The following TMEFF2 variants were observed in gnomAD, a reference collection of about 807,000 sequenced individuals.
TMEFF2 encodes tomoregulin-2.
In TMEFF2, 28 loss-of-function variants were observed where a neutral mutation model predicts 53.8. The observed-to-expected ratio is 0.52, with a 90% CI of 0.39 to 0.71. The LOEUF (loss-of-function observed/expected upper bound fraction) is 0.71. TMEFF2 is among the 30% of genes least tolerant of loss of function. TMEFF2 has a pLI of 0.00. For synonymous variants in TMEFF2, 162 were observed against 166.3 expected (o/e 0.97, Z 0.20); for missense variants, 353 against 455.2 (o/e 0.78, Z 2.04).
intron 2 of TMEFF2, among the ~76,000 whole-genome samples, chr2:192,185,452 A>G (rs1405432649): frequency 6.6e-6 from 1 of 152,100 alleles, no homozygotes; most frequent in Non-Finnish European, 1.5e-5. Flanking sequence ...AAACTAAGTA[A>G]GGAAAATCAT....
chr2:192,035,873 A>G (rs1272952346), intron 5 of TMEFF2, among the ~76,000 whole-genome samples: 1 of 151,938 alleles, frequency 6.6e-6, no homozygotes, highest in East Asian at 1.9e-4. Context: ...CTGATCCCCT[A>G]TTTCCAAAGT....
At chr2:192,158,323 T>C (rs911115952) in intron 4 of TMEFF2, among the ~76,000 whole-genome samples, 2 of 151,966 alleles carry the variant, frequency 1.3e-5, no homozygotes, top group African/African-American at 4.8e-5. Flanking sequence ...TGAGATTATA[T>C]CTCTGATATA....
At chr2:192,102,849 G>A (rs1689064606) in intron 4 of TMEFF2, among the ~76,000 whole-genome samples, 1 of 151,834 alleles carries the variant, frequency 6.6e-6, no homozygotes, top group Admixed American at 6.6e-5. Flanking sequence ...GGAATTACAG[G>A]CGTGAGCCAC....
At chr2:191,983,391 CTTTTTTT>C (rs11396477) in intron 7 of TMEFF2, among the ~76,000 whole-genome samples, 1 of 144,394 alleles carries the variant, frequency 6.9e-6, no homozygotes, top group Non-Finnish European at 1.5e-5. Flanking sequence ...GCATCTTAGC[CTTTTTTT>C]TTTTTTCTCC....
intron 4 of TMEFF2, among the ~76,000 whole-genome samples, chr2:192,133,167 C>T (rs1377945047): frequency 1.3e-5 from 2 of 152,066 alleles, no homozygotes; most frequent in African/African-American, 2.4e-5. Context: ...TGCCCAGTTC[C>T]CTTATTAGGC....
intron 5 of TMEFF2, among the ~76,000 whole-genome samples, chr2:192,037,357 A>AT (rs1338380725): frequency 6.9e-6 from 1 of 145,688 alleles, no homozygotes; most frequent in African/African-American, 2.6e-5. Context: ...AGAAAAAAAA[A>AT]CCTCTCACTT....
At chr2:192,107,924 C>T (rs181644269) in intron 4 of TMEFF2, among the ~76,000 whole-genome samples, 3 of 150,922 alleles carry the variant, frequency 2.0e-5, no homozygotes, top group Admixed American at 6.6e-5. Flanking sequence ...AATTCTAATT[C>T]TATACAAAGA....
chr2:192,092,526 G>A (rs1688813432), intron 4 of TMEFF2, among the ~76,000 whole-genome samples: 1 of 152,118 alleles, frequency 6.6e-6, no homozygotes, highest in Non-Finnish European at 1.5e-5. Context: ...GGCTGGGAAG[G>A]AAGTTTGTAT....
At chr2:192,181,523 A>G (rs189414057) in intron 3 of TMEFF2, among the ~76,000 whole-genome samples, 1 of 151,892 alleles carries the variant, frequency 6.6e-6, no homozygotes, top group Admixed American at 6.6e-5. Context: ...ATGTTATTCA[A>G]CCTTGCTAAG....
intron 7 of TMEFF2, among the ~76,000 whole-genome samples, chr2:191,970,627 A>T (rs1477002141): frequency 6.6e-6 from 1 of 152,150 alleles, no homozygotes; most frequent in Admixed American, 6.5e-5. Context: ...GCCTCTAGAA[A>T]TGTGAGATAA....
chr2:192,053,919 C>T (rs898362103), intron 5 of TMEFF2, among the ~76,000 whole-genome samples: 1 of 152,084 alleles, frequency 6.6e-6, no homozygotes, highest in Admixed American at 6.5e-5. Context: ...TACAAAGGTA[C>T]GTTAACATAC....
rs150944192 is a variant in TMEFF2, at chr2:192,194,458, G to A, written c.67C>T (p.Leu23=). 2.3e-4 allele frequency: 370 copies of A among 1,614,176 alleles called. 1 individual carries two copies. In the African/African-American group the frequency reaches 4.6e-3, roughly 20 times the overall value. ...WTLCEGFCWL[L]LLPVMLLIVA... ...ATGAGTAGCATGACGGGCAGCAGCA[G>A]CAGCCAGCAAAAGCCCTCGCAAAGT... Residue 23 remains leucine (L), a synonymous_variant, in exon 1 of 10, where the codon CTG becomes TTG. Transcript: ENST00000272771. The surrounding 1 kb of genome is among the most constrained non-coding windows in gnomAD (Gnocchi z 4.2).
At chr2:192,152,270 A>C (rs1690405668) in intron 4 of TMEFF2, among the ~76,000 whole-genome samples, 1 of 151,932 alleles carries the variant, frequency 6.6e-6, no homozygotes, top group Admixed American at 6.6e-5. Flanking sequence ...GTTTGAATCC[A>C]GATAGGAAAA....
In TMEFF2 at chr2:191,949,593, T is replaced by C; in HGVS notation, c.*718A>G. 1 of 985,412 alleles carries C rather than the reference T, an allele frequency of 1.0e-6. No homozygotes were observed. The highest frequency in any genetic ancestry group is 1.2e-6 in the Non-Finnish European group (1 of 829,920). 61.0% of individuals were successfully genotyped at this position (985,412 alleles called of 1,614,324 possible). The stretch of plus-strand genomic sequence containing the variant: ...GTAACTTGTTCAGTAAGTTCAGATA[T>C]ATGCACTTAACTGGGGGATTCTAAG... On this transcript the variant is annotated 3_prime_UTR_variant, in exon 10 of 10. Coordinates refer to ENST00000272771, the MANE Select transcript of TMEFF2 (RefSeq NM_016192.4).
At chr2:192,119,644 C>T (rs1047080948) in intron 4 of TMEFF2, among the ~76,000 whole-genome samples, 5 of 152,128 alleles carry the variant, frequency 3.3e-5, no homozygotes, top group Admixed American at 6.6e-5. Context: ...GGGGTTTCAC[C>T]TCAGACAATA....
chr2:191,952,570 A>G (rs1691918108), intron 9 of TMEFF2, among the ~76,000 whole-genome samples: 2 of 152,100 alleles, frequency 1.3e-5, no homozygotes, highest in South Asian at 4.1e-4. Flanking sequence ...TAAACGTGAG[A>G]GTCGAGTTGA....
At chr2:192,154,865 C>T (rs1366429690) in intron 4 of TMEFF2, among the ~76,000 whole-genome samples, 1 of 151,844 alleles carries the variant, frequency 6.6e-6, no homozygotes, top group Non-Finnish European at 1.5e-5. Flanking sequence ...TTGGAAAGTA[C>T]ATTCCCCCAC....
chr2:192,165,396 C>G (rs907872513), intron 4 of TMEFF2, among the ~76,000 whole-genome samples: 9 of 152,066 alleles, frequency 5.9e-5, no homozygotes, highest in African/African-American at 2.2e-4. Context: ...ACAGCAAGTA[C>G]TTAACATATG....
chr2:191,964,320 C>T (rs1386551162), intron 7 of TMEFF2, among the ~76,000 whole-genome samples: 29 of 120,542 alleles, frequency 2.4e-4, no homozygotes, highest in African/African-American at 8.4e-4. Context: ...TCTTTCCTTC[C>T]TTCCTTTCTT....
Sources: allele counts gnomAD v4.1 joint callset (sites outside exome capture counted in the v4.1 genomes callset), GRCh38; gene constraint gnomAD v4.1.1; non-coding constraint Gnocchi (gnomAD v3.1); transcripts MANE v1.5; gene names NCBI Gene and HGNC (gene_info 2026-07-23, HGNC 2026-07-21).